SACS: variants seen among roughly 807,000 people sequenced by gnomAD.
SACS encodes sacsin molecular chaperone.
Under a neutral mutation model 348.0 loss-of-function variants are expected in SACS, and 197 were observed. The observed-to-expected ratio is 0.57, with a 90% CI of 0.50 to 0.64. The LOEUF (loss-of-function observed/expected upper bound fraction) is 0.64. Ranked by LOEUF, SACS falls within the 30% of genes least tolerant of loss-of-function variation. The probability of loss-of-function intolerance (pLI) is 0.00; values close to 1 mark genes in which losing one functional copy is unlikely to be tolerated. For missense variants in SACS, 4,999 were observed against 5,360.8 expected (o/e 0.93, Z 2.11); for synonymous variants, 1,985 against 1,910.6 (o/e 1.04, Z -1.02).
intron 1 of SACS, among the ~76,000 whole-genome samples, chr13:23,432,474 C>G (rs1874471052): frequency 6.6e-6 from 1 of 152,084 alleles, no homozygotes; most frequent in Admixed American, 6.6e-5. Context: ...AACTGGGGAT[C>G]GTTGTCACAG....
intron 6 of SACS, among the ~76,000 whole-genome samples, chr13:23,359,055 G>C (rs1162712717): frequency 1.3e-5 from 2 of 152,120 alleles, no homozygotes; most frequent in Non-Finnish European, 2.9e-5. Context: ...GGTGGCACGC[G>C]CCTGTAATCC....
intron 1 of SACS, among the ~76,000 whole-genome samples, chr13:23,421,065 ACCTGGTGTGCACCTAGGG>A (rs1873919971): frequency 1.3e-5 from 2 of 151,616 alleles, no homozygotes; most frequent in Admixed American, 1.3e-4. Context: ...TCCACCTAGG[ACCTGGTGTGCACCTAGGG>A]CCTTTGTCCA....
At position 23,331,980 on chromosome 13, in the gene SACS, G is replaced by A; in HGVS notation, c.11896C>T (p.Pro3966Ser). The A allele has an allele frequency of 6.2e-7, 1 of 1,614,048 alleles. No homozygotes were observed. Among genetic ancestry groups the A allele is most frequent in the Non-Finnish European group, 8.5e-7 (1 of 1,179,954 alleles). Residue 3966 changes from proline (P) to serine (S), a missense_variant, in exon 10 of 10, where the codon CCT becomes TCT. Physicochemically the swap from Pro to Ser is moderately conservative, Grantham distance 74 (BLOSUM62 -1). Coordinates refer to ENST00000382292, the MANE Select transcript of SACS (RefSeq NM_014363.6). ...GFHTKLIMLF[P>S]QKLRPRLLSS... Reference sequence around the variant, plus strand: ...AATAATCGAGGTCTAAGTTTTTGAGGAAAGAGCATTATCAACTTAGTGTGA... The same window carrying A: ...AATAATCGAGGTCTAAGTTTTTGAGAAAAGAGCATTATCAACTTAGTGTGA...
chr13:23,404,660 A>G (rs983953287), intron 2 of SACS, among the ~76,000 whole-genome samples: 6 of 152,212 alleles, frequency 3.9e-5, no homozygotes, highest in African/African-American at 1.4e-4. Context: ...ACATGATTGC[A>G]TATTTAGAAA....
At chr13:23,396,497 T>C (rs1352550375) in intron 2 of SACS, among the ~76,000 whole-genome samples, 1 of 152,092 alleles carries the variant, frequency 6.6e-6, no homozygotes, top group Non-Finnish European at 1.5e-5. Flanking sequence ...AATATAAGCA[T>C]TATTCTTGGA....
In SACS at chr13:23,341,551, A is replaced by G; in HGVS notation, c.2325T>C (p.Ser775=). ...TCCAAACCATCTTAAGCCATGAAAC[A>G]GATGGGTGATTTCTGTTTTCATCAA... ...YPFDENRNHP[S]VSWLKMVWKN... is the part of the protein sequence containing the mutation. The change falls in exon 10 of 10, where the codon TCT becomes TCC. Residue 775 remains serine, a synonymous_variant. Transcript: ENST00000382292. 6.2e-7 allele frequency: 1 copy of G among 1,614,150 alleles called. No homozygotes were observed. Among genetic ancestry groups the G allele is most frequent in the South Asian group, 1.1e-5 (1 of 91,084 alleles).
chr13:23,334,211 AAC>A lies in SACS; in HGVS notation c.9663_9664del (p.Leu3222AlafsTer5). ...ACTTTTGGTCTTATATTCTCGAGGC[AAC>A]ACAGAGGATAACAAATCAGCAAAGC... On this transcript the variant is annotated frameshift_variant, in exon 10 of 10. Transcript: ENST00000382292. LOFTEE classifies it high-confidence loss of function. 1 of 1,613,828 alleles carries A rather than the reference AAC, an allele frequency of 6.2e-7. No individual in the cohort carries two copies. Among genetic ancestry groups the A allele is most frequent in the Non-Finnish European group, 8.5e-7 (1 of 1,179,808 alleles).
intron 1 of SACS, among the ~76,000 whole-genome samples, chr13:23,412,312 C>T (rs537181609): frequency 3.9e-5 from 6 of 152,046 alleles, no homozygotes; most frequent in African/African-American, 1.4e-4. Context: ...GTTTCATGTT[C>T]CCTCTATTTC....
At position 23,341,102 on chromosome 13, in the gene SACS, G is replaced by A. The variant is rs1303930850; in HGVS notation, c.2774C>T (p.Ala925Val). Residue 925 changes from alanine (A) to valine (V), a missense_variant, in exon 10 of 10, where the codon GCA (alanine) becomes GTA (valine). Ala to Val is a moderately conservative substitution (Grantham distance 64, BLOSUM62 0). This residue lies in a region of SACS where 3,156 missense variants were observed against 3,380.1 expected (regional missense o/e 0.93). Transcript: ENST00000382292. ...AGAATGGTTAATGCGCTTGAATATT[G>A]CCAATTCTTGAATAATTCTTTTCTC... ...EKEKRIIQEL[A>V]IFKRINHSSD... 6.2e-7 allele frequency: 1 copy of A among 1,613,618 alleles called. No homozygotes were observed.
rs778011175 is a variant in SACS, at chr13:23,355,079, A to G, written c.1533T>C (p.Asp511=). The G allele has an allele frequency of 1.2e-6, 2 of 1,614,192 alleles. No individual in the cohort carries two copies. Among genetic ancestry groups the G allele is most frequent in the Middle Eastern group, 1.6e-4 (1 of 6,062 alleles). ...VPKAYATLIL[D]SIKRLEMEKS... Reference sequence around the variant, plus strand: ...TTTCCATCTCCAGACGTTTTATTGAATCTAAGATCAGAGTAGCATAAGCTT... The same window carrying G: ...TTTCCATCTCCAGACGTTTTATTGAGTCTAAGATCAGAGTAGCATAAGCTT... The change falls in exon 8 of 10, where the codon GAT becomes GAC. Residue 511 remains aspartate (D), a synonymous_variant. Coordinates refer to ENST00000382292, the MANE Select transcript of SACS (RefSeq NM_014363.6).
In SACS at chr13:23,354,741, C is replaced by T; in HGVS notation, c.1871G>A (p.Arg624Lys). 6.2e-7 allele frequency: 1 copy of T among 1,613,680 alleles called. No individual in the cohort carries two copies. Among genetic ancestry groups the T allele is most frequent in the Non-Finnish European group, 8.5e-7 (1 of 1,179,636 alleles). Reference protein sequence around the residue: ...LTAASGTTPVRKVTPAWVRQV... With the variant: ...LTAASGTTPVKKVTPAWVRQV... ...CCGCACCCACGCGGGCGTCACCTTC[C>T]TCACAGGTGTTGTGCCAGAGGCAGC... is the stretch of plus-strand genomic sequence containing the variant. Residue 624 changes from arginine to lysine, a missense_variant, in exon 8 of 10, where the codon AGG becomes AAG. By Grantham distance (26) the Arg-to-Lys change is conservative. Transcript: ENST00000382292.
chr13:23,357,812 T>C (rs1182769719), intron 7 of SACS, among the ~76,000 whole-genome samples: 1 of 152,186 alleles, frequency 6.6e-6, no homozygotes, highest in African/African-American at 2.4e-5. Flanking sequence ...TTCAAAGTAA[T>C]CTTTAGAATG....
intron 9 of SACS, among the ~76,000 whole-genome samples, chr13:23,348,740 G>A (rs886350432): frequency 2.0e-5 from 3 of 152,190 alleles, no homozygotes; most frequent in Non-Finnish European, 2.9e-5. Flanking sequence ...GGGCAAAGTA[G>A]AGGATGGAAA....
Position 23,340,370 on chromosome 13 carries a change from C to T in SACS, c.3506G>A (p.Gly1169Asp). The change falls in exon 10 of 10, where the codon GGC becomes GAC. Residue 1169 changes from glycine to aspartate, a missense_variant. Transcript: ENST00000382292. ...GAGATCTCCTTTCCAGACCAAAGAGCCTGGATAATTTGGAGGCCTTTCCTT... is the reference window on the plus strand; with the variant it reads ...GAGATCTCCTTTCCAGACCAAAGAGTCTGGATAATTTGGAGGCCTTTCCTT... ...ACKERPPNYP[G>D]SLVWKGDLCN... The T allele has an allele frequency of 6.2e-7, 1 of 1,614,006 alleles. No homozygotes were observed.
At chr13:23,420,637 C>T (rs1034831337) in intron 1 of SACS, among the ~76,000 whole-genome samples, 1 of 152,132 alleles carries the variant, frequency 6.6e-6, no homozygotes, top group African/African-American at 2.4e-5. Context: ...CTCCTAGTGC[C>T]TAGTGTCCAC....
intron 2 of SACS, among the ~76,000 whole-genome samples, chr13:23,381,493 A>T (rs576704017): frequency 1.1e-4 from 17 of 152,270 alleles, no homozygotes; most frequent in Admixed American, 1.1e-3. Context: ...ATACACAAGC[A>T]TGAATTATAG....
chr13:23,340,536 G>A lies in SACS; in HGVS notation c.3340C>T (p.Gln1114Ter). The part of the protein sequence containing the change: ...VQVAKKIEAL[Q>*]VGACPDQDVL... Reference sequence around the variant, plus strand: ...TCTTGATCAGGACAAGCACCGACCTGTAAGGCTTCAATTTTTTTTGCCACT... The same window carrying A: ...TCTTGATCAGGACAAGCACCGACCTATAAGGCTTCAATTTTTTTTGCCACT... Residue 1114 changes from glutamine to a stop codon, truncating the protein, a stop_gained, in exon 10 of 10, where the codon CAG (glutamine) becomes TAG (stop). Coordinates refer to ENST00000382292, the MANE Select transcript of SACS (RefSeq NM_014363.6). LOFTEE classifies it high-confidence loss of function. 1 of 1,612,170 alleles carries A rather than the reference G, an allele frequency of 6.2e-7. No individual in the cohort carries two copies. The highest frequency in any genetic ancestry group is 8.5e-7 in the Non-Finnish European group (1 of 1,179,478).
chr13:23,334,810 TTTA>T lies in SACS; in HGVS notation c.9063_9065del (p.Asn3021del). ...GTAAATTGTCAAAAAATGGTCTAGTTTTATTAGAAGTAGACATATTGATCCAAG... is the reference window on the plus strand; with the variant it reads ...GTAAATTGTCAAAAAATGGTCTAGTTTTAGAAGTAGACATATTGATCCAAG... On this transcript the variant is annotated inframe_deletion, in exon 10 of 10. Coordinates refer to ENST00000382292, the MANE Select transcript of SACS (RefSeq NM_014363.6). The T allele has an allele frequency of 6.2e-7, 1 of 1,613,872 alleles. No homozygotes were observed. Among genetic ancestry groups the T allele is most frequent in the Non-Finnish European group, 8.5e-7 (1 of 1,179,844 alleles).
chr13:23,358,491 A>C lies in SACS; in HGVS notation c.458-10T>G. 6.2e-7 allele frequency: 1 copy of C among 1,614,060 alleles called. No individual in the cohort carries two copies. Among genetic ancestry groups the C allele is most frequent in the Non-Finnish European group, 8.5e-7 (1 of 1,179,998 alleles). Reference sequence around the variant, plus strand: ...ACATAGAGAGCTGGCCCTAGGTGTGAAAATGCGCAGGCAGGAATTCAAAAA... The same window carrying C: ...ACATAGAGAGCTGGCCCTAGGTGTGCAAATGCGCAGGCAGGAATTCAAAAA... On this transcript the variant is annotated splice_polypyrimidine_tract_variant and intron_variant, in intron 6 of 9. Transcript: ENST00000382292.
Sources: allele counts gnomAD v4.1 joint callset (sites outside exome capture counted in the v4.1 genomes callset), GRCh38; gene constraint gnomAD v4.1.1; regional missense constraint gnomAD v4.1.1; transcripts MANE v1.5; gene names NCBI Gene and HGNC (gene_info 2026-07-23, HGNC 2026-07-21).